The following FOXP4 variants were observed in gnomAD, a reference collection of about 807,000 sequenced individuals.
FOXP4 encodes forkhead box P4.
Under a neutral mutation model 82.6 loss-of-function variants are expected in FOXP4, and 25 were observed. The observed-to-expected ratio is 0.30, with a 90% CI of 0.22 to 0.42. The LOEUF is 0.42. Among genes scored for constraint, FOXP4 ranks in the 10% least tolerant of loss-of-function variants. The pLI, the probability that FOXP4 is intolerant of heterozygous loss-of-function variation, is 1.00. For missense variants in FOXP4, 785 were observed against 900.9 expected (o/e 0.87, Z 1.65); for synonymous variants, 415 against 388.2 (o/e 1.07, Z -0.81).
In FOXP4 at chr6:41,597,800, G is replaced by T; in HGVS notation, c.1745G>T (p.Ser582Ile). Residue 582 changes from serine (S) to isoleucine (I), a missense_variant, in exon 16 of 17, where the codon AGC becomes ATC. Ser to Ile is a moderately radical substitution (Grantham distance 142). Transcript: ENST00000307972. The stretch of plus-strand genomic sequence containing the variant: ...CTGCAGGCCGCCCTGGCCGAGAGCA[G>T]CTTCCCCCTCCTCAACAGCCCTGGC... ...ASYQAALAES[S>I]FPLLNSPGML... 6.2e-7 allele frequency: 1 copy of T among 1,607,508 alleles called. No homozygotes were observed.
rs763973866 is a variant in FOXP4, at chr6:41,594,958, A to C, written c.1625A>C (p.Glu542Ala). The change falls in exon 14 of 17, where the codon GAG becomes GCG. Residue 542 changes from glutamate to alanine, a missense_variant. By Grantham distance (107) the Glu-to-Ala change is moderately radical. Coordinates refer to ENST00000307972, the MANE Select transcript of FOXP4 (RefSeq NM_001012426.2). ...GCCGTGTGGACTGTGGACGAGCGGG[A>C]GTATCAGAAGCGGAGACCGCCAAAG... ...KGAVWTVDER[E>A]YQKRRPPKMT... The C allele has an allele frequency of 4.3e-6, 7 of 1,614,144 alleles. No homozygotes were observed. The Admixed American group carries it at 1.2e-4, about 27-fold the overall frequency.
At chr6:41,588,223 G>A (rs1010891857) in intron 8 of FOXP4, among the ~76,000 whole-genome samples, 11 of 152,154 alleles carry the variant, frequency 7.2e-5, no homozygotes, top group Admixed American at 3.3e-4. Context: ...GAGTGATGGC[G>A]AGTGACAGGC....
intron 2 of FOXP4, among the ~76,000 whole-genome samples, chr6:41,573,246 C>G (rs994366050): frequency 2.6e-5 from 4 of 152,290 alleles, no homozygotes; most frequent in South Asian, 4.1e-4. Flanking sequence ...TCTCCCACCC[C>G]CCACTCCACC....
intron 1 of FOXP4, 103 bp from the exon 2 acceptor site, chr6:41,565,642 C>T: frequency 9.4e-7 from 1 of 1,061,974 alleles, no homozygotes; most frequent in Non-Finnish European, 1.4e-6. Flanking sequence ...AAGTAGATGC[C>T]CAGCTACTCC....
In FOXP4 at chr6:41,587,865, G is replaced by A; in HGVS notation, c.945G>A (p.Glu315=). The part of the protein sequence containing the change: ...GHGECKWPGC[E]TLCEDLGQFI... ...GAGAGTGCAAGTGGCCAGGCTGTGA[G>A]ACCCTGTGTGAAGACCTGGGCCAGT... The change falls in exon 8 of 17, where the codon GAG becomes GAA. Residue 315 remains glutamate, a synonymous_variant. Transcript: ENST00000307972. 6.4e-7 allele frequency: 1 copy of A among 1,565,696 alleles called. No homozygotes were observed.
Position 41,584,896 on chromosome 6 carries a change from G to C in FOXP4, c.423+5G>C. 1 of 1,607,964 alleles carries C rather than the reference G, an allele frequency of 6.2e-7. No homozygotes were observed. Among genetic ancestry groups the C allele is most frequent in the Non-Finnish European group, 8.5e-7 (1 of 1,178,006 alleles). ...CAAGCCCTCATGCTCCAGCAGGTGA[G>C]TCTGGCCCCAGGGCAGCTGGTCCCT... is the stretch of plus-strand genomic sequence containing the variant. On this transcript the variant is annotated splice_donor_5th_base_variant and intron_variant, in intron 4 of 16. Coordinates refer to ENST00000307972, the MANE Select transcript of FOXP4 (RefSeq NM_001012426.2).
rs934278667 is a variant in FOXP4 at position 41,591,822 on chromosome 6, G to T, written c.1536+500G>T. Among the ~76,000 whole-genome samples the T allele has an allele frequency of 3.9e-5, 6 of 152,176 alleles. No homozygotes were observed. Among genetic ancestry groups the T allele is most frequent in the Non-Finnish European group, 8.8e-5 (6 of 68,036 alleles). On this transcript the variant is annotated intron_variant, in intron 13 of 16. Coordinates refer to ENST00000307972, the MANE Select transcript of FOXP4 (RefSeq NM_001012426.2). This position sits in a 1 kb window ranked among gnomAD's most constrained non-coding sequence, Gnocchi z 4.2. ...CTGACGGCACTCACAGCCCTCCCCA[G>T]CTCTGCCATCCCTGGCAGGAAGATA...
Position 41,591,729 on chromosome 6 carries a change from G to A in FOXP4, c.1536+407G>A, listed in dbSNP as rs553501022. 1.3e-5 allele frequency among the ~76,000 whole-genome samples: 2 copies of A among 152,316 alleles called. No homozygotes were observed. Among genetic ancestry groups the A allele is most frequent in the East Asian group, 1.9e-4 (1 of 5,176 alleles). ...TAAGGTACATGTTCTGAAGCCTGAG[G>A]TGGGGCTAGGAAAGCGCAGGTATAG... On this transcript the variant is annotated intron_variant, in intron 13 of 16. Transcript: ENST00000307972. This position sits in a 1 kb window ranked among gnomAD's most constrained non-coding sequence, Gnocchi z 4.2.
In FOXP4 at chr6:41,590,159, C is replaced by A. The variant is rs1766419432; in HGVS notation, c.1346C>A (p.Pro449His). Residue 449 changes from proline (P) to histidine (H), a missense_variant, in exon 11 of 17, where the codon CCC becomes CAC. By Grantham distance (77) the Pro-to-His change is moderately conservative. Around this residue, in one of 3 missense-constraint regions of FOXP4, gnomAD observed 570 missense variants for 634.0 expected, o/e 0.90. Transcript: ENST00000307972. ...AGAAGCAGTGACAAGTTCTGCTCCC[C>A]CATCTCCTCAGGTGAGGGTGGGCTG... is the stretch of plus-strand genomic sequence containing the variant. ...RRRSSDKFCS[P>H]ISSELAQNHE... The A allele has an allele frequency of 6.2e-7, 1 of 1,606,094 alleles. No individual in the cohort carries two copies. Among genetic ancestry groups the A allele is most frequent in the Admixed American group, 1.7e-5 (1 of 59,672 alleles).
chr6:41,566,329 G>A (rs1048139171), intron 2 of FOXP4, among the ~76,000 whole-genome samples: 18 of 152,222 alleles, frequency 1.2e-4, no homozygotes, highest in African/African-American at 4.3e-4. Context: ...TAGGAAACTG[G>A]CTAAATGAAC....
chr6:41,578,533 A>C (rs1394423222), intron 3 of FOXP4, among the ~76,000 whole-genome samples: 1 of 147,028 alleles, frequency 6.8e-6, no homozygotes, highest in Non-Finnish European at 1.5e-5. Context: ...CCCTTCTCTT[A>C]TCCTCCCCCC....
intron 3 of FOXP4, among the ~76,000 whole-genome samples, chr6:41,580,055 T>TG (rs1765710069): frequency 6.6e-6 from 1 of 151,428 alleles, no homozygotes; most frequent in South Asian, 2.1e-4. Flanking sequence ...TTTTTTTTTT[T>TG]TTTTTTTGAG....
At chr6:41,576,542 TGA>T (rs989576775) in intron 2 of FOXP4, among the ~76,000 whole-genome samples, 4 of 151,880 alleles carry the variant, frequency 2.6e-5, no homozygotes, top group Non-Finnish European at 4.4e-5. Flanking sequence ...TGGACAGATG[TGA>T]GAGAGAGCCA....
intron 13 of FOXP4, 129 bp from the exon 14 acceptor site, chr6:41,594,741 C>G (rs573761487): frequency 2.9e-5 from 41 of 1,404,380 alleles, no homozygotes; most frequent in South Asian, 2.2e-4. Flanking sequence ...GCCCACCCCC[C>G]TCCCCTGCTC....
intron 3 of FOXP4, among the ~76,000 whole-genome samples, chr6:41,579,313 C>A (rs1421994137): frequency 6.6e-6 from 1 of 152,064 alleles, no homozygotes; most frequent in African/African-American, 2.4e-5. Context: ...AAGATCTCAT[C>A]AGAATGAGAT....
intron 1 of FOXP4, among the ~76,000 whole-genome samples, chr6:41,551,292 G>A (rs1244527777): frequency 2.0e-5 from 3 of 152,224 alleles, no homozygotes; most frequent in African/African-American, 7.2e-5. Flanking sequence ...GCTGTGGTGT[G>A]TCGCCCGGGC....
At chr6:41,595,091 C>A (rs1055729853) in intron 14 of FOXP4, 100 bp downstream of exon 14, 58 of 1,534,888 alleles carry the variant, frequency 3.8e-5, no homozygotes, top group Non-Finnish European at 4.3e-5. Context: ...TGCACCAGAT[C>A]CTTCCTGGCT....
rs1767192472 is a variant in FOXP4 at position 41,600,991 on chromosome 6, C to G, written c.*2055C>G. The G allele has an allele frequency of 1.3e-5, 2 of 152,262 alleles. No individual in the cohort carries two copies. The highest frequency in any genetic ancestry group is 4.8e-5 in the African/African-American group (2 of 41,454). 9.4% of individuals were successfully genotyped at this position (152,262 alleles called of 1,614,324 possible). On this transcript the variant is annotated 3_prime_UTR_variant, in exon 17 of 17. Coordinates refer to ENST00000307972, the MANE Select transcript of FOXP4 (RefSeq NM_001012426.2). ...GATTTGCTGCAGGGATGGAGAGGAC[C>G]ACCGCCGCAGGGTTCTTTTACCTGT...
Position 41,594,862 on chromosome 6 carries a change from A to G in FOXP4, c.1537-8A>G, listed in dbSNP as rs1273997177. On this transcript the variant is annotated splice_region_variant and splice_polypyrimidine_tract_variant and intron_variant, in intron 13 of 16. Transcript: ENST00000307972. Reference sequence around the variant, plus strand: ...CCGCCTCTGAGCTCCTCTTCACTGCACCCACAGAACGCCGTGCGCCACAAC... The same window carrying G: ...CCGCCTCTGAGCTCCTCTTCACTGCGCCCACAGAACGCCGTGCGCCACAAC... The G allele has an allele frequency of 5.6e-6, 9 of 1,613,772 alleles. No homozygotes were observed. The highest frequency in any genetic ancestry group is 7.6e-6 in the Non-Finnish European group (9 of 1,180,030).
Sources: gnomAD v4.1 joint callset for allele counts (sites outside exome capture counted in the v4.1 genomes callset) on GRCh38, gnomAD v4.1.1 for gene constraint, gnomAD v4.1.1 regional missense constraint, Gnocchi (gnomAD v3.1) non-coding constraint, MANE v1.5 for transcripts, NCBI Gene and HGNC (gene_info 2026-07-23, HGNC 2026-07-21) for gene names.